DAAM1: variants seen among roughly 807,000 people sequenced by gnomAD.
DAAM1 encodes the protein disheveled-associated activator of morphogenesis 1.
DAAM1 carries 52 observed loss-of-function variants against 130.0 expected under a neutral mutation model. The observed-to-expected ratio is 0.40, with a 90% confidence interval of 0.32 to 0.50. DAAM1 has a LOEUF of 0.50. DAAM1 is among the 20% of genes least tolerant of loss of function. The pLI is 0.61. For missense variants in DAAM1, 1,134 were observed against 1,303.8 expected (o/e 0.87, Z 2.01); for synonymous variants, 452 against 444.5 (o/e 1.02, Z -0.21).
intron 15 of DAAM1, among the ~76,000 whole-genome samples, chr14:59,339,739 G>A (rs1457539645): frequency 6.6e-6 from 1 of 152,184 alleles, no homozygotes; most frequent in Non-Finnish European, 1.5e-5. Flanking sequence ...CAGTTCTTCT[G>A]TCTGCAATCC....
intron 2 of DAAM1, among the ~76,000 whole-genome samples, chr14:59,278,378 A>G (rs1224602781): frequency 6.6e-6 from 1 of 152,222 alleles, no homozygotes; most frequent in African/African-American, 2.4e-5. Context: ...TATGCTGGAC[A>G]AAGGGTGATT....
chr14:59,206,153 C>A (rs1888251118), intron 1 of DAAM1, among the ~76,000 whole-genome samples: 1 of 152,130 alleles, frequency 6.6e-6, no homozygotes, highest in East Asian at 1.9e-4. Context: ...CTGCACCTGG[C>A]CCTCAAAGTG....
chr14:59,253,090 A>T (rs189118586), intron 1 of DAAM1, among the ~76,000 whole-genome samples: 1 of 152,094 alleles, frequency 6.6e-6, no homozygotes, highest in Admixed American at 6.5e-5. Flanking sequence ...CTGTGTTGAA[A>T]TTTTCGTCTC....
intron 18 of DAAM1, 36 bp downstream of exon 18, chr14:59,352,668 C>T: frequency 6.5e-7 from 1 of 1,537,050 alleles, no homozygotes; most frequent in Non-Finnish European, 8.9e-7. Flanking sequence ...GAAGATGTCA[C>T]TTCCCTTTCT....
At chr14:59,244,563 TG>T (rs1200747381) in intron 1 of DAAM1, among the ~76,000 whole-genome samples, 1 of 152,220 alleles carries the variant, frequency 6.6e-6, no homozygotes, top group African/African-American at 2.4e-5. Flanking sequence ...TGGACACCAC[TG>T]CCTTCTTGAA....
chr14:59,224,199 A>G (rs940650009), intron 1 of DAAM1, among the ~76,000 whole-genome samples: 14 of 152,204 alleles, frequency 9.2e-5, no homozygotes, highest in African/African-American at 3.1e-4. Context: ...TGATATGCTG[A>G]TTTGCTTAAG....
chr14:59,275,920 A>G (rs1237360474), intron 2 of DAAM1, among the ~76,000 whole-genome samples: 1 of 152,198 alleles, frequency 6.6e-6, no homozygotes, highest in Non-Finnish European at 1.5e-5. Flanking sequence ...ATGACTAAGA[A>G]TATTGGCAGA....
At chr14:59,322,842 A>G (rs376496086) in intron 5 of DAAM1, 50 bp from the exon 6 acceptor site, 7 of 1,458,634 alleles carry the variant, frequency 4.8e-6, no homozygotes, top group Admixed American at 3.9e-5. Context: ...GTTAGGGGCT[A>G]TTATAAAACC....
chr14:59,303,333 G>A (rs561378861), intron 3 of DAAM1, among the ~76,000 whole-genome samples: 4 of 152,252 alleles, frequency 2.6e-5, no homozygotes, highest in South Asian at 2.1e-4. Context: ...TGTATCTCAC[G>A]TCTGAGAATT....
chr14:59,326,295 A>T (rs1412733330), intron 10 of DAAM1, among the ~76,000 whole-genome samples: 2 of 152,232 alleles, frequency 1.3e-5, no homozygotes, highest in African/African-American at 4.8e-5. Flanking sequence ...AATAAAAAAT[A>T]TGCCTTACAA....
chr14:59,360,309 T>A (rs35600444), intron 21 of DAAM1, among the ~76,000 whole-genome samples: 63,003 of 152,152 alleles, frequency 0.41, 15,203 homozygotes, highest in East Asian at 0.84. Context: ...AATACAACTT[T>A]AAGAAAAATC....
rs1883730741 is a variant in DAAM1 at position 59,291,291 on chromosome 14, C to T, written c.258C>T (p.Tyr86=). 1 of 1,608,460 alleles carries T rather than the reference C, an allele frequency of 6.2e-7. No homozygotes were observed. Among genetic ancestry groups the T allele is most frequent in the Non-Finnish European group, 8.5e-7 (1 of 1,178,388 alleles). The change falls in exon 3 of 25, where the codon TAC becomes TAT. Residue 86 remains tyrosine, a synonymous_variant. Transcript: ENST00000360909. ...CAGCTGAGAAAAAATGGCAAATATACTGTAGCAAGAAAAAGGTAAGATTTT... is the reference window on the plus strand; with the variant it reads ...CAGCTGAGAAAAAATGGCAAATATATTGTAGCAAGAAAAAGGTAAGATTTT... The part of the protein sequence containing the change: ...ALPAEKKWQI[Y]CSKKKDQEEN...
chr14:59,268,432 G>A (rs1882561228), intron 2 of DAAM1, among the ~76,000 whole-genome samples: 1 of 152,182 alleles, frequency 6.6e-6, no homozygotes, highest in Admixed American at 6.5e-5. Flanking sequence ...GTTTCAAAAT[G>A]ACTGCACCAT....
intron 15 of DAAM1, among the ~76,000 whole-genome samples, chr14:59,333,110 T>A (rs1566709196): frequency 6.6e-6 from 1 of 152,184 alleles, no homozygotes; most frequent in Non-Finnish European, 1.5e-5. Context: ...TTTTTCAAAA[T>A]GGCCTTTGAT....
intron 1 of DAAM1, among the ~76,000 whole-genome samples, chr14:59,235,836 G>A (rs1345868240): frequency 1.3e-5 from 2 of 151,870 alleles, no homozygotes; most frequent in African/African-American, 4.8e-5. Context: ...TCTGGTATGT[G>A]AATATATTGC....
chr14:59,279,834 C>A (rs1421561281), intron 2 of DAAM1, among the ~76,000 whole-genome samples: 9 of 152,060 alleles, frequency 5.9e-5, no homozygotes, highest in African/African-American at 1.9e-4. Flanking sequence ...TTAATATATA[C>A]CTCTGGCAAA....
intron 2 of DAAM1, among the ~76,000 whole-genome samples, chr14:59,279,809 C>A (rs1443203814): frequency 1.3e-5 from 2 of 152,036 alleles, no homozygotes; most frequent in African/African-American, 4.8e-5. Context: ...AAGCCACAGG[C>A]TAGGAGAAAT....
intron 2 of DAAM1, among the ~76,000 whole-genome samples, chr14:59,270,033 A>G (rs886241991): frequency 6.6e-6 from 1 of 152,230 alleles, no homozygotes; most frequent in African/African-American, 2.4e-5. Context: ...AGATTTTTTC[A>G]GTGAACCAAA....
intron 1 of DAAM1, among the ~76,000 whole-genome samples, chr14:59,223,024 G>T (rs1888826839): frequency 6.6e-6 from 1 of 152,238 alleles, no homozygotes; most frequent in Non-Finnish European, 1.5e-5. Flanking sequence ...TTCAGGTGGT[G>T]CCTGCATGTA....
Sources: allele counts gnomAD v4.1 joint callset (sites outside exome capture counted in the v4.1 genomes callset), GRCh38; gene constraint gnomAD v4.1.1; transcripts MANE v1.5; gene names NCBI Gene and HGNC (gene_info 2026-07-23, HGNC 2026-07-21).